Variants in AQP7B observed in about 807,000 individuals in gnomAD.
The protein encoded by AQP7B is aquaporin 7B, also known as putative aquaporin-7B.
At chr2:94,587,457 C>T in the AQP7B span, among the ~76,000 whole-genome samples, 3 of 152,128 alleles carry the variant, frequency 2.0e-5, no homozygotes, top group African/African-American at 7.2e-5. Context: ...CTCCTCAGTG[C>T]CCAGATCTGG....
the AQP7B span, chr2:94,603,764 A>G: frequency 6.5e-7 from 1 of 1,529,032 alleles, no homozygotes; most frequent in South Asian, 1.2e-5. Flanking sequence ...ACGGACCAGG[A>G]GAACAACCCA....
the AQP7B span, chr2:94,604,413 C>A: frequency 1.2e-6 from 2 of 1,611,588 alleles, no homozygotes. Flanking sequence ...TTGGAGGACT[C>A]TGTGGCGTAT....
At chr2:94,596,881 G>T in the AQP7B span, among the ~76,000 whole-genome samples, 1 of 152,236 alleles carries the variant, frequency 6.6e-6, no homozygotes, top group African/African-American at 2.4e-5. Context: ...TCTATTTTTA[G>T]TAGAGATGGG....
chr2:94,592,768 G>T, the AQP7B span, among the ~76,000 whole-genome samples: 1 of 147,242 alleles, frequency 6.8e-6, no homozygotes, highest in Admixed American at 6.8e-5. Flanking sequence ...AAGCAAACTG[G>T]TATGATCCCA....
chr2:94,602,018 AGT>A, the AQP7B span, among the ~76,000 whole-genome samples: 1,609 of 139,152 alleles, frequency 0.012, 10 homozygotes, highest in South Asian at 0.033. Flanking sequence ...ATTGCGGCGG[AGT>A]GTGTGTGTGT....
At chr2:94,589,752 C>T in the AQP7B span, among the ~76,000 whole-genome samples, 1 of 151,918 alleles carries the variant, frequency 6.6e-6, no homozygotes, top group Non-Finnish European at 1.5e-5. Flanking sequence ...CAACTCAGCT[C>T]CTAGATGGAA....
At chr2:94,603,953 T>C in the AQP7B span, 38 of 1,176,856 alleles carry the variant, frequency 3.2e-5, no homozygotes, top group African/African-American at 4.9e-4. Context: ...CCAGGCCCAT[T>C]CCTTTGAGTT....
At chr2:94,587,784 G>T in the AQP7B span, among the ~76,000 whole-genome samples, 4 of 152,128 alleles carry the variant, frequency 2.6e-5, no homozygotes, top group Non-Finnish European at 5.9e-5. Context: ...GGCAGGAGAC[G>T]GGTCAGCTGC....
chr2:94,602,165 C>G, the AQP7B span, among the ~76,000 whole-genome samples: 2 of 151,810 alleles, frequency 1.3e-5, no homozygotes, highest in African/African-American at 4.8e-5. Flanking sequence ...GCAATGCATG[C>G]CAGCCATCCC....
At chr2:94,592,267 C>T in the AQP7B span, among the ~76,000 whole-genome samples, 4 of 152,126 alleles carry the variant, frequency 2.6e-5, no homozygotes, top group African/African-American at 9.7e-5. Flanking sequence ...CCTAAATTCC[C>T]CTGACCTCGC....
chr2:94,601,636 C>A, the AQP7B span, among the ~76,000 whole-genome samples: 1 of 152,052 alleles, frequency 6.6e-6, no homozygotes, highest in Non-Finnish European at 1.5e-5. Context: ...TTCTCTCCTG[C>A]AGCATGACTG....
the AQP7B span, among the ~76,000 whole-genome samples, chr2:94,599,240 C>G: frequency 6.6e-6 from 1 of 152,054 alleles, no homozygotes. Flanking sequence ...GTCCTGACCT[C>G]ACTCCCCCCG....
the AQP7B span, among the ~76,000 whole-genome samples, chr2:94,597,613 T>G: frequency 3.8e-5 from 5 of 131,362 alleles, no homozygotes; most frequent in African/African-American, 8.7e-5. Flanking sequence ...GTCTTTTTTG[T>G]TTTTTTTTTT....
At chr2:94,601,681 GAGA>G in the AQP7B span, among the ~76,000 whole-genome samples, 1 of 152,148 alleles carries the variant, frequency 6.6e-6, no homozygotes, top group Non-Finnish European at 1.5e-5. Context: ...CCCACAGCTG[GAGA>G]AGGACGCTGG....
At chr2:94,591,463 C>T in the AQP7B span, among the ~76,000 whole-genome samples, 1 of 152,156 alleles carries the variant, frequency 6.6e-6, no homozygotes, top group African/African-American at 2.4e-5. Context: ...CTCAGGCTGC[C>T]ACCACTTCTC....
the AQP7B span, among the ~76,000 whole-genome samples, chr2:94,595,575 A>C: frequency 1.3e-5 from 2 of 152,030 alleles, no homozygotes; most frequent in Non-Finnish European, 2.9e-5. Flanking sequence ...TTGGATTTTA[A>C]AGGTAATTTT....
At chr2:94,595,458 AAG>A in the AQP7B span, among the ~76,000 whole-genome samples, 17 of 152,008 alleles carry the variant, frequency 1.1e-4, no homozygotes, top group Non-Finnish European at 2.1e-4. Flanking sequence ...AAGAAAAAAA[AAG>A]AGAGAGAGAT....
chr2:94,598,349 G>T, the AQP7B span, among the ~76,000 whole-genome samples: 85 of 152,336 alleles, frequency 5.6e-4, no homozygotes, highest in Non-Finnish European at 9.3e-4. Context: ...GCAGCTTCCA[G>T]GGGTGTTGCC....
At chr2:94,590,928 G>T in the AQP7B span, among the ~76,000 whole-genome samples, 1 of 122,436 alleles carries the variant, frequency 8.2e-6, no homozygotes, top group Admixed American at 9.9e-5. Context: ...CTGGGTGACA[G>T]AGTGAGACCC....
Sources: allele counts gnomAD v4.1 joint callset (sites outside exome capture counted in the v4.1 genomes callset), GRCh38; gene constraint gnomAD v4.1.1; transcripts MANE v1.5; gene names NCBI Gene and HGNC (gene_info 2026-07-23, HGNC 2026-07-21).